The following PLXDC1 variants were observed in gnomAD, a reference collection of about 807,000 sequenced individuals.
PLXDC1 encodes the protein plexin domain-containing protein 1.
A neutral mutation model predicts 61.3 loss-of-function variants in PLXDC1; 39 were observed. The ratio of observed to expected loss-of-function variants is 0.64; its 90% CI spans 0.49 to 0.83. PLXDC1 has a LOEUF of 0.83. PLXDC1 is among the 40% of genes least tolerant of loss of function. PLXDC1 has a pLI of 0.00. For synonymous variants in PLXDC1, 212 were observed against 254.5 expected (o/e 0.83, Z 1.59); for missense variants, 596 against 666.5 (o/e 0.89, Z 1.17).
At chr17:39,113,658 T>C (rs1252024297) in intron 2 of PLXDC1, among the ~76,000 whole-genome samples, 1 of 152,076 alleles carries the variant, frequency 6.6e-6, no homozygotes, top group Non-Finnish European at 1.5e-5. Context: ...CTGGGCAACA[T>C]AGTGAGACCC....
intron 1 of PLXDC1, among the ~76,000 whole-genome samples, chr17:39,149,479 C>G (rs960928994): frequency 7.2e-5 from 11 of 152,182 alleles, no homozygotes; most frequent in Admixed American, 2.6e-4. Flanking sequence ...GGGCACCGGA[C>G]TGGGAGTCAA....
intron 2 of PLXDC1, chr17:39,112,860 G>T (rs1218115077): frequency 6.6e-6 from 1 of 152,194 alleles, no homozygotes; most frequent in East Asian, 1.9e-4. Flanking sequence ...GGGAAAACGA[G>T]TGGCCCACCT....
chr17:39,104,273 G>A lies in PLXDC1; in HGVS notation c.811+1581C>T, dbSNP rs77019610. Among the ~76,000 whole-genome samples the A allele has an allele frequency of 5.9e-5, 9 of 152,278 alleles. No individual in the cohort carries two copies. The East Asian group carries it at 1.7e-3, about 29-fold the overall frequency. ...ACAGATAAAGAAATAAACGCAGAGAGGTTGAGTGACTCACCAGAGGTCAGA... is the reference window on the plus strand; with the variant it reads ...ACAGATAAAGAAATAAACGCAGAGAAGTTGAGTGACTCACCAGAGGTCAGA... On this transcript the variant is annotated intron_variant, in intron 7 of 13. Transcript: ENST00000315392.
rs1233861284 is a variant in PLXDC1 at position 39,072,455 on chromosome 17, C to T, written c.1217G>A (p.Gly406Glu). ...GCAGGCAGTTCTGTACTCACCGTCT[C>T]CTCCTGCATAGGGATTCAACTTGGT... ...DDTKLNPYAG[G>E]DGLQNNLSPK... is the part of the protein sequence containing the mutation. The change falls in exon 12 of 14, where the codon GGA becomes GAA. Residue 406 changes from glycine (G) to glutamate (E), a missense_variant. Coordinates refer to ENST00000315392, the MANE Select transcript of PLXDC1 (RefSeq NM_020405.5). The T allele has an allele frequency of 1.2e-5, 18 of 1,554,324 alleles. No homozygotes were observed. Among genetic ancestry groups the T allele is most frequent in the African/African-American group, 2.7e-5 (2 of 73,754 alleles).
At chr17:39,122,159 T>C (rs1017761910) in intron 2 of PLXDC1, among the ~76,000 whole-genome samples, 15 of 149,564 alleles carry the variant, frequency 1.0e-4, no homozygotes, top group Admixed American at 6.7e-4. Flanking sequence ...TCCCAGCACT[T>C]TGGGAGGCCG....
At position 39,095,653 on chromosome 17, in the gene PLXDC1, T is replaced by A. The variant is rs920969730; in HGVS notation, c.812-7951A>T. 1.3e-4 allele frequency among the ~76,000 whole-genome samples: 18 copies of A among 139,588 alleles called. No individual in the cohort carries two copies. In the East Asian group the frequency reaches 3.3e-3, roughly 26 times the overall value. The allele number at this position is 139,588 out of a possible 152,430, so 91.6% of individuals were successfully genotyped here. A position where few individuals can be genotyped will look rare whatever the true frequency, so the allele number is the denominator to read the frequency against. The stretch of plus-strand genomic sequence containing the variant: ...TTGTCTTTTTTTTTTGGCGGGGGGG[T>A]TGTTTTTGTTTTGTTTTGTTTTTGT... On this transcript the variant is annotated intron_variant, in intron 7 of 13. Coordinates refer to ENST00000315392, the MANE Select transcript of PLXDC1 (RefSeq NM_020405.5).
intron 7 of PLXDC1, among the ~76,000 whole-genome samples, chr17:39,097,794 C>T (rs941850170): frequency 1.3e-5 from 2 of 151,218 alleles, no homozygotes; most frequent in Non-Finnish European, 2.9e-5. Context: ...CTCAGCTACT[C>T]AGGAGGCTGA....
chr17:39,107,337 A>G, intron 6 of PLXDC1, 70 bp downstream of exon 6: 2 of 951,236 alleles, frequency 2.1e-6, no homozygotes, highest in Non-Finnish European at 3.2e-6. Context: ...CACATTGCAA[A>G]TTCTCTAAAT....
Position 39,109,307 on chromosome 17 carries a change from C to A in PLXDC1, c.340G>T (p.Ala114Ser), listed in dbSNP as rs768246508. The change falls in exon 3 of 14, where the codon GCC (alanine) becomes TCC (serine). Residue 114 changes from alanine (A) to serine (S), a missense_variant. By Grantham distance (99) the Ala-to-Ser change is moderately conservative. Coordinates refer to ENST00000315392, the MANE Select transcript of PLXDC1 (RefSeq NM_020405.5). ...TGGATCTTCACTTGGCTCCGGTTGGCCTCGGCCACATCTACCCACAGTTCC... is the reference window on the plus strand; with the variant it reads ...TGGATCTTCACTTGGCTCCGGTTGGACTCGGCCACATCTACCCACAGTTCC... ...SRELWVDVAE[A>S]NRSQVKIHTI... 1 of 1,612,296 alleles carries A rather than the reference C, an allele frequency of 6.2e-7. No individual in the cohort carries two copies.
Position 39,063,756 on chromosome 17 carries a change from T to A in PLXDC1, c.*4084A>T, listed in dbSNP as rs140950977. On this transcript the variant is annotated 3_prime_UTR_variant, in exon 14 of 14. Coordinates refer to ENST00000315392, the MANE Select transcript of PLXDC1 (RefSeq NM_020405.5). ...AATTCTACCATTAAGTTCAGGTAGG[T>A]TTTTGGAGACAGAGATTGGCCGCAT... 1.1e-5 allele frequency: 5 copies of A among 446,254 alleles called. No homozygotes were observed. Among genetic ancestry groups the A allele is most frequent in the Non-Finnish European group, 1.6e-5 (4 of 249,188 alleles). The allele number at this position is 446,254 out of a possible 1,614,324, so 27.6% of individuals were successfully genotyped here. A position where few individuals can be genotyped will look rare whatever the true frequency, so the allele number is the denominator to read the frequency against.
rs143969163 is a variant in PLXDC1 at position 39,065,145 on chromosome 17, C to T, written c.*2695G>A. On this transcript the variant is annotated 3_prime_UTR_variant, in exon 14 of 14. Transcript: ENST00000315392. The stretch of plus-strand genomic sequence containing the variant: ...TGCAGGCAGAGAAAGTTCCAGATGC[C>T]TCGGCCTCAGTCAAAGCAAGCCTGG... 1 of 152,218 alleles carries T rather than the reference C, an allele frequency of 6.6e-6. No homozygotes were observed. Among genetic ancestry groups the T allele is most frequent in the African/African-American group, 2.4e-5 (1 of 41,430 alleles). 9.4% of individuals were successfully genotyped at this position (152,218 alleles called of 1,614,324 possible).
At chr17:39,115,973 GGT>G (rs1390073944) in intron 2 of PLXDC1, among the ~76,000 whole-genome samples, 3 of 152,104 alleles carry the variant, frequency 2.0e-5, no homozygotes, top group Non-Finnish European at 4.4e-5. Context: ...AAATTAGCTG[GGT>G]GTGGTGGCGC....
Position 39,118,084 on chromosome 17 carries a change from C to CCCTTCCTTCCTTCCTT in PLXDC1, c.256-8709_256-8694dup, listed in dbSNP as rs56223337. On this transcript the variant is annotated intron_variant, in intron 2 of 13. Transcript: ENST00000315392. The stretch of plus-strand genomic sequence containing the variant: ...TCCTTCCCTCCCTCCCTCCCTCCCT[C>CCCTTCCTTCCTTCCTT]CCTTCCTTCCTTCCTTCCTTCCTTC... 1.2e-3 allele frequency among the ~76,000 whole-genome samples: 123 copies of CCCTTCCTTCCTTCCTT among 101,920 alleles called. 3 individuals are homozygous for CCCTTCCTTCCTTCCTT. The highest frequency in any genetic ancestry group is 3.7e-3 in the African/African-American group (98 of 26,290). 66.9% of individuals were successfully genotyped at this position (101,920 alleles called of 152,430 possible). A position where few individuals can be genotyped will look rare whatever the true frequency, so the allele number is the denominator to read the frequency against.
rs375841198 is a variant in PLXDC1 at position 39,109,396 on chromosome 17, C to T, written c.256-5G>A. 1.7e-4 allele frequency: 265 copies of T among 1,580,456 alleles called. 1 individual carries two copies. Among genetic ancestry groups the T allele is most frequent in the African/African-American group, 9.6e-4 (72 of 74,656 alleles). ...ATAATAGCTGTGGTTGTCCTCCTGCCGGCACCCAAGATAAAGCCCACAGGA... is the reference window on the plus strand; with the variant it reads ...ATAATAGCTGTGGTTGTCCTCCTGCTGGCACCCAAGATAAAGCCCACAGGA... On this transcript the variant is annotated splice_polypyrimidine_tract_variant and splice_region_variant and intron_variant, in intron 2 of 13. Transcript: ENST00000315392.
At chr17:39,134,868 C>T (rs1162001832) in intron 2 of PLXDC1, among the ~76,000 whole-genome samples, 1 of 151,898 alleles carries the variant, frequency 6.6e-6, no homozygotes, top group South Asian at 2.1e-4. Context: ...AGAAATAGCC[C>T]GCAGGACCCC....
intron 1 of PLXDC1, among the ~76,000 whole-genome samples, chr17:39,149,531 C>A (rs988086209): frequency 2.0e-5 from 3 of 152,212 alleles, no homozygotes; most frequent in African/African-American, 7.2e-5. Context: ...TTAAGTCTAA[C>A]CTCTATCCCT....
At chr17:39,142,683 G>C (rs1911973040) in intron 1 of PLXDC1, among the ~76,000 whole-genome samples, 1 of 152,174 alleles carries the variant, frequency 6.6e-6, no homozygotes. Context: ...ACCACACCCG[G>C]CTAGTTATTA....
chr17:39,139,922 A>C, intron 1 of PLXDC1, 90 bp from the exon 2 acceptor site: 2 of 1,228,360 alleles, frequency 1.6e-6, no homozygotes, highest in Non-Finnish European at 2.2e-6. Context: ...AAGGGCCCCA[A>C]CACCATGCCA....
chr17:39,115,984 G>A (rs973472101), intron 2 of PLXDC1, among the ~76,000 whole-genome samples: 3 of 151,996 alleles, frequency 2.0e-5, no homozygotes, highest in Non-Finnish European at 2.9e-5. Context: ...GTGTGGTGGC[G>A]CATGCCTGTA....
Sources: allele counts gnomAD v4.1 joint callset (sites outside exome capture counted in the v4.1 genomes callset), GRCh38; gene constraint gnomAD v4.1.1; transcripts MANE v1.5; gene names NCBI Gene and HGNC (gene_info 2026-07-23, HGNC 2026-07-21).